LRRC8B: variants seen among roughly 807,000 people sequenced by gnomAD.
LRRC8B encodes leucine rich repeat containing 8 VRAC subunit B, also known as volume-regulated anion channel subunit LRRC8B.
Under a neutral mutation model 58.8 loss-of-function variants are expected in LRRC8B, and 23 were observed. That is an observed-to-expected ratio of 0.39 (90% CI 0.28 to 0.55). The LOEUF is 0.55. Among genes scored for constraint, LRRC8B ranks in the 20% least tolerant of loss-of-function variants. The pLI, the probability that LRRC8B is intolerant of heterozygous loss-of-function variation, is 0.62. For synonymous variants in LRRC8B, 359 were observed against 374.1 expected, an observed-to-expected ratio of 0.96 and a Z score of 0.47; for missense variants, 694 against 936.0, an observed-to-expected ratio of 0.74 and a Z score of 3.37.
chr1:89,565,023 T>C (rs977386706), intron 1 of LRRC8B, among the ~76,000 whole-genome samples: 5 of 152,228 alleles, frequency 3.3e-5, no homozygotes, highest in Non-Finnish European at 5.9e-5. Flanking sequence ...ATTGGTTTTA[T>C]GAGACTAAAG....
At chr1:89,533,025 A>C (rs748814093) in intron 1 of LRRC8B, among the ~76,000 whole-genome samples, 3 of 152,112 alleles carry the variant, frequency 2.0e-5, no homozygotes, top group Admixed American at 6.5e-5. Context: ...AGGTCCTTCT[A>C]TCAGTGCCCT....
rs960634809 is a variant in LRRC8B at position 89,594,701 on chromosome 1, T to C, written c.*1658T>C. On this transcript the variant is annotated 3_prime_UTR_variant, in exon 6 of 6. Transcript: ENST00000330947. ...TTTTGCTCCTTTTTATAAAGAGCTT[T>C]GTGCTTGGCCTTTTATTATGCATAT... The C allele has an allele frequency of 1.1e-4, 16 of 152,328 alleles. No homozygotes were observed. The highest frequency in any genetic ancestry group is 6.8e-3 in the Middle Eastern group (2 of 294). 9.4% of individuals were successfully genotyped at this position (152,328 alleles called of 1,614,324 possible).
At chr1:89,560,655 C>T (rs553553089) in intron 1 of LRRC8B, among the ~76,000 whole-genome samples, 9 of 148,738 alleles carry the variant, frequency 6.1e-5, no homozygotes, top group Admixed American at 2.0e-4. Flanking sequence ...TTTGATCTTG[C>T]GATAGTTTAC....
intron 1 of LRRC8B, among the ~76,000 whole-genome samples, chr1:89,550,991 A>G (rs892794154): frequency 1.3e-4 from 20 of 152,082 alleles, no homozygotes; most frequent in African/African-American, 4.3e-4. Context: ...AATTCAAGCC[A>G]TACTCTCATA....
chr1:89,527,259 C>CAT (rs2100763889), intron 1 of LRRC8B, among the ~76,000 whole-genome samples: 1 of 152,282 alleles, frequency 6.6e-6, no homozygotes, highest in Admixed American at 6.5e-5. Context: ...TTTTACTATT[C>CAT]ATAGCCTGTT....
In LRRC8B at chr1:89,552,495, T is replaced by A. The variant is rs1557601270; in HGVS notation, c.-240-15752T>A. 3.3e-5 allele frequency among the ~76,000 whole-genome samples: 5 copies of A among 152,342 alleles called. No individual in the cohort carries two copies. In the South Asian group the frequency reaches 1.0e-3, roughly 32 times the overall value. On this transcript the variant is annotated intron_variant, in intron 1 of 5. Transcript: ENST00000330947. ...ATAACTCTCACTATGTTTAGGTTAC[T>A]GAGTCAGTTAAAAGCAGACTAATCA... is the stretch of plus-strand genomic sequence containing the variant.
intron 1 of LRRC8B, among the ~76,000 whole-genome samples, chr1:89,541,231 C>G (rs1451871702): frequency 6.6e-6 from 1 of 152,112 alleles, no homozygotes; most frequent in Non-Finnish European, 1.5e-5. Flanking sequence ...AAATTATGGG[C>G]TCATTGGGTA....
At chr1:89,543,458 G>C (rs1320109670) in intron 1 of LRRC8B, among the ~76,000 whole-genome samples, 1 of 151,606 alleles carries the variant, frequency 6.6e-6, no homozygotes, top group Non-Finnish European at 1.5e-5. Context: ...TATTATACAA[G>C]AAAAAATTTA....
intron 1 of LRRC8B, among the ~76,000 whole-genome samples, chr1:89,566,286 C>T (rs2125723): frequency 0.37 from 57,025 of 152,110 alleles, 12,931 homozygotes; most frequent in South Asian, 0.55. Context: ...TCAGCCTGTG[C>T]TGGTCTGGAT....
intron 5 of LRRC8B, among the ~76,000 whole-genome samples, chr1:89,591,912 GTCTA>G: frequency 6.6e-6 from 1 of 152,156 alleles, no homozygotes; most frequent in African/African-American, 2.4e-5. Flanking sequence ...GGTATGTGCA[GTCTA>G]TCTATGCTGA....
chr1:89,524,900 C>T lies in LRRC8B; in HGVS notation c.-363C>T, dbSNP rs891207010. ...GGCGAGCCGGACAGCGCCGGGGCTT[C>T]CCGCTGAGCCCGCAGCCTCCGGCAG... On this transcript the variant is annotated 5_prime_UTR_variant, in exon 1 of 6. Coordinates refer to ENST00000330947, the MANE Select transcript of LRRC8B (RefSeq NM_001369817.2). 4 of 152,234 alleles carry T rather than the reference C, an allele frequency of 2.6e-5. No individual in the cohort carries two copies. The highest frequency in any genetic ancestry group is 6.5e-5 in the Admixed American group (1 of 15,282). The allele number at this position is 152,234 out of a possible 1,614,324, so 9.4% of individuals were successfully genotyped here.
chr1:89,537,720 G>A (rs187370921), intron 1 of LRRC8B, among the ~76,000 whole-genome samples: 4 of 152,228 alleles, frequency 2.6e-5, no homozygotes, highest in African/African-American at 4.8e-5. Flanking sequence ...TGATCCAGCC[G>A]CCTCAGCCTC....
At chr1:89,589,246 A>AGGAATCC in intron 5 of LRRC8B, among the ~76,000 whole-genome samples, 1 of 152,282 alleles carries the variant, frequency 6.6e-6, no homozygotes, top group East Asian at 1.9e-4. Flanking sequence ...CTGAGGTCTG[A>AGGAATCC]AGTTTCCTGG....
At chr1:89,575,669 T>C (rs1375742223) in intron 3 of LRRC8B, among the ~76,000 whole-genome samples, 2 of 150,042 alleles carry the variant, frequency 1.3e-5, no homozygotes, top group East Asian at 3.9e-4. Flanking sequence ...CCCTAAAAGT[T>C]TGAATGGTTA....
In LRRC8B at chr1:89,527,157, CA is replaced by C. The variant is rs1448273608; in HGVS notation, c.-241+2137del. Among the ~76,000 whole-genome samples the C allele has an allele frequency of 2.0e-5, 3 of 152,076 alleles. No homozygotes were observed. The East Asian group carries it at 5.8e-4, about 29-fold the overall frequency. On this transcript the variant is annotated intron_variant, in intron 1 of 5. Transcript: ENST00000330947. ...CAATTTAGAACATCCTTGTTTTAGC[CA>C]ATGTTTTTCTTATAAACAAGGGTTT...
Position 89,537,546 on chromosome 1 carries a change from C to T in LRRC8B, c.-241+12524C>T, listed in dbSNP as rs145872819. On this transcript the variant is annotated intron_variant, in intron 1 of 5. Transcript: ENST00000330947. ...GGAGTGCAGTGGCATGATCTCGGCT[C>T]ACTGTAACCTCTACCTCCTGGGTTC... Among the ~76,000 whole-genome samples, 1,210 of 152,288 alleles carry T rather than the reference C, an allele frequency of 7.9e-3. 16 individuals carry two copies. Among genetic ancestry groups the T allele is most frequent in the African/African-American group, 0.027 (1,111 of 41,554 alleles).
intron 1 of LRRC8B, among the ~76,000 whole-genome samples, chr1:89,554,190 T>A (rs1347171126): frequency 6.6e-6 from 1 of 152,166 alleles, no homozygotes; most frequent in Non-Finnish European, 1.5e-5. Context: ...CCACTCCATC[T>A]ATGCATCTGC....
At chr1:89,549,597 T>A (rs957321785) in intron 1 of LRRC8B, among the ~76,000 whole-genome samples, 1 of 152,194 alleles carries the variant, frequency 6.6e-6, no homozygotes, top group Non-Finnish European at 1.5e-5. Flanking sequence ...GACAATCAAG[T>A]AGAAGTCATT....
At chr1:89,558,381 A>G (rs1393918543) in intron 1 of LRRC8B, among the ~76,000 whole-genome samples, 1 of 152,252 alleles carries the variant, frequency 6.6e-6, no homozygotes, top group Non-Finnish European at 1.5e-5. Flanking sequence ...ACCCTCCCTG[A>G]GACATCACTT....
Sources: gnomAD v4.1 joint callset for allele counts (sites outside exome capture counted in the v4.1 genomes callset) on GRCh38, gnomAD v4.1.1 for gene constraint, MANE v1.5 for transcripts, NCBI Gene and HGNC (gene_info 2026-07-23, HGNC 2026-07-21) for gene names.